The following STK32B variants were observed in gnomAD, a reference collection of about 807,000 sequenced individuals.
The protein encoded by STK32B is serine/threonine-protein kinase 32B.
Under a neutral mutation model 52.6 loss-of-function variants are expected in STK32B, and 43 were observed. The ratio of observed to expected loss-of-function variants is 0.82; its 90% confidence interval spans 0.64 to 1.05. The LOEUF (loss-of-function observed/expected upper bound fraction) is 1.05. Ranked by LOEUF, STK32B falls within the 50% of genes least tolerant of loss-of-function variation. The pLI is 0.00. For synonymous variants in STK32B, 238 were observed against 204.3 expected (o/e 1.17, Z -1.41); for missense variants, 621 against 534.6 (o/e 1.16, Z -1.59).
At chr4:5,073,118 C>A (rs1346954008) in intron 1 of STK32B, among the ~76,000 whole-genome samples, 3 of 151,902 alleles carry the variant, frequency 2.0e-5, no homozygotes, top group African/African-American at 7.3e-5. Flanking sequence ...GAAACCTCTG[C>A]CTTTTAATTA....
At chr4:5,271,718 A>G (rs1727444963) in intron 3 of STK32B, among the ~76,000 whole-genome samples, 1 of 146,108 alleles carries the variant, frequency 6.8e-6, no homozygotes. Flanking sequence ...GAGGTCCTTC[A>G]CATCCCTTGT....
intron 4 of STK32B, among the ~76,000 whole-genome samples, chr4:5,352,321 T>A (rs1186116464): frequency 2.0e-5 from 3 of 151,894 alleles, no homozygotes; most frequent in African/African-American, 7.3e-5. Context: ...GTACATCACA[T>A]CAACAAAATT....
intron 2 of STK32B, among the ~76,000 whole-genome samples, chr4:5,141,276 T>C (rs1299287491): frequency 6.6e-6 from 1 of 152,088 alleles, no homozygotes; most frequent in South Asian, 2.1e-4. Flanking sequence ...GGGACGTCCT[T>C]GATAATAGCA....
chr4:5,490,755 G>T (rs1294691173), intron 11 of STK32B, among the ~76,000 whole-genome samples: 1 of 152,014 alleles, frequency 6.6e-6, no homozygotes, highest in East Asian at 1.9e-4. Flanking sequence ...TCCAGAGTGT[G>T]ATGTTCCCCT....
intron 1 of STK32B, among the ~76,000 whole-genome samples, chr4:5,118,160 C>T (rs1433306717): frequency 1.3e-5 from 2 of 152,196 alleles, no homozygotes; most frequent in African/African-American, 4.8e-5. Flanking sequence ...GTTTGGTAGA[C>T]TCCACCATTG....
chr4:5,171,546 A>G (rs906017390), intron 3 of STK32B, among the ~76,000 whole-genome samples: 1 of 152,088 alleles, frequency 6.6e-6, no homozygotes, highest in East Asian at 1.9e-4. Flanking sequence ...TTTTCCCAGC[A>G]CCATTTATTA....
At chr4:5,143,121 G>A (rs963163140) in intron 2 of STK32B, among the ~76,000 whole-genome samples, 24 of 147,544 alleles carry the variant, frequency 1.6e-4, no homozygotes, top group African/African-American at 5.8e-4. Flanking sequence ...CTGTCTGTCT[G>A]TCTGTCTGTC....
intron 3 of STK32B, among the ~76,000 whole-genome samples, chr4:5,318,440 A>G (rs1731262438): frequency 6.6e-6 from 1 of 152,162 alleles, no homozygotes. Context: ...TGGAACAGAA[A>G]GAAGAATGAA....
At chr4:5,207,063 C>A (rs1053659074) in intron 3 of STK32B, among the ~76,000 whole-genome samples, 4 of 152,146 alleles carry the variant, frequency 2.6e-5, no homozygotes, top group Non-Finnish European at 5.9e-5. Flanking sequence ...TAAGTGGAGT[C>A]CTGTTGGAAC....
chr4:5,412,466 C>G (rs926486832), intron 5 of STK32B, among the ~76,000 whole-genome samples: 15 of 152,128 alleles, frequency 9.9e-5, no homozygotes, highest in Non-Finnish European at 1.5e-5. Context: ...CCCACTGTAC[C>G]TGAATTCCTG....
chr4:5,031,152 A>G, the STK32B span, among the ~76,000 whole-genome samples: 4 of 152,314 alleles, frequency 2.6e-5, no homozygotes, highest in East Asian at 1.9e-4. Context: ...AGGCCCACCC[A>G]CATTATGGAG....
intron 6 of STK32B, among the ~76,000 whole-genome samples, chr4:5,438,287 A>C (rs1298816810): frequency 6.6e-6 from 1 of 152,240 alleles, no homozygotes; most frequent in Admixed American, 6.5e-5. Context: ...GGTGGGATCC[A>C]GGTGGGATTC....
intron 1 of STK32B, among the ~76,000 whole-genome samples, 195 bp downstream of exon 1, chr4:5,052,110 G>C (rs910981074): frequency 6.6e-6 from 1 of 152,244 alleles, no homozygotes; most frequent in Non-Finnish European, 1.5e-5. Flanking sequence ...TAGGTACCCA[G>C]TGCCGTTTAG....
At chr4:5,389,514 C>G (rs750382697) in intron 4 of STK32B, among the ~76,000 whole-genome samples, 2 of 152,188 alleles carry the variant, frequency 1.3e-5, no homozygotes, top group Non-Finnish European at 2.9e-5. Context: ...CCCCATGCAT[C>G]CTACTCTCCT....
chr4:5,389,426 T>A (rs539311796), intron 4 of STK32B, among the ~76,000 whole-genome samples: 2 of 151,934 alleles, frequency 1.3e-5, no homozygotes, highest in Admixed American at 6.5e-5. Flanking sequence ...TCTGAGGCCT[T>A]ACTCCTTGGC....
chr4:5,472,556 A>G (rs994921653), intron 11 of STK32B, among the ~76,000 whole-genome samples: 1 of 152,160 alleles, frequency 6.6e-6, no homozygotes, highest in Non-Finnish European at 1.5e-5. Context: ...ATTCTTGGCC[A>G]AAGATCTGAG....
intron 11 of STK32B, among the ~76,000 whole-genome samples, chr4:5,498,418 G>C (rs1720466804): frequency 6.6e-6 from 1 of 152,172 alleles, no homozygotes; most frequent in Non-Finnish European, 1.5e-5. Context: ...ATTTACTGGT[G>C]GGATTCTTTG....
chr4:5,248,583 ACT>A (rs558446072), intron 3 of STK32B, among the ~76,000 whole-genome samples: 114 of 152,304 alleles, frequency 7.5e-4, no homozygotes, highest in Middle Eastern at 3.4e-3. Context: ...TTGCTGGACT[ACT>A]ATTCAGTGAC....
At chr4:5,478,299 C>T (rs934814531) in intron 11 of STK32B, among the ~76,000 whole-genome samples, 5 of 152,118 alleles carry the variant, frequency 3.3e-5, no homozygotes, top group South Asian at 2.1e-4. Flanking sequence ...TCTGTCAGAG[C>T]GGTCTCATTT....
Sources: gnomAD v4.1 joint callset for allele counts (sites outside exome capture counted in the v4.1 genomes callset) on GRCh38, gnomAD v4.1.1 for gene constraint, MANE v1.5 for transcripts, NCBI Gene and HGNC (gene_info 2026-07-23, HGNC 2026-07-21) for gene names.